The following HPSE2 variants were observed in gnomAD, a reference collection of about 807,000 sequenced individuals.
The protein encoded by HPSE2 is inactive heparanase-2.
In HPSE2, 38 loss-of-function variants were observed where a neutral mutation model predicts 60.5. That is an observed-to-expected ratio of 0.63 (90% CI 0.48 to 0.82). The LOEUF (loss-of-function observed/expected upper bound fraction) is 0.82, where lower values mean the gene tolerates loss of function less well. HPSE2 is among the 40% of genes least tolerant of loss of function. The pLI is 0.00. For missense variants in HPSE2, 713 were observed against 740.4 expected, an observed-to-expected ratio of 0.96 and a Z score of 0.43; for synonymous variants, 295 against 293.2, an observed-to-expected ratio of 1.01 and a Z score of -0.06.
At chr10:98,551,346 G>A (rs1000802871) in intron 9 of HPSE2, among the ~76,000 whole-genome samples, 6 of 152,106 alleles carry the variant, frequency 3.9e-5, no homozygotes, top group African/African-American at 9.7e-5. Flanking sequence ...TATGTGTTTG[G>A]GTTGTTTGTA....
At chr10:98,791,549 A>C (rs1950655272) in intron 3 of HPSE2, among the ~76,000 whole-genome samples, 1 of 152,220 alleles carries the variant, frequency 6.6e-6, no homozygotes, top group Non-Finnish European at 1.5e-5. Flanking sequence ...CCTTATATGT[A>C]AGTTTCAAAT....
chr10:98,905,601 C>T (rs1203612512), intron 3 of HPSE2, among the ~76,000 whole-genome samples: 1 of 152,046 alleles, frequency 6.6e-6, no homozygotes, highest in Non-Finnish European at 1.5e-5. Context: ...TTCAGTGACC[C>T]CTGCTCCCAG....
At chr10:98,623,604 A>G (rs1007501031) in intron 7 of HPSE2, among the ~76,000 whole-genome samples, 2 of 152,184 alleles carry the variant, frequency 1.3e-5, no homozygotes, top group Admixed American at 1.3e-4. Flanking sequence ...TGTACCCTGG[A>G]AATTCTGGGT....
At chr10:99,105,188 T>A (rs1015491295) in intron 3 of HPSE2, among the ~76,000 whole-genome samples, 1 of 152,102 alleles carries the variant, frequency 6.6e-6, no homozygotes, top group African/African-American at 2.4e-5. Flanking sequence ...AACTAAACCC[T>A]ATTTAGATTT....
intron 3 of HPSE2, among the ~76,000 whole-genome samples, chr10:98,840,843 C>G (rs1565202235): frequency 6.6e-6 from 1 of 152,174 alleles, no homozygotes. Flanking sequence ...ATTTAAAGGA[C>G]TGTCACTTTT....
chr10:98,596,564 G>A (rs1322901971), intron 9 of HPSE2, among the ~76,000 whole-genome samples: 1 of 151,574 alleles, frequency 6.6e-6, no homozygotes, highest in Non-Finnish European at 1.5e-5. Flanking sequence ...TGTTTGTCTG[G>A]GAAAGTCTAT....
At chr10:98,741,522 C>T (rs1445748276) in intron 4 of HPSE2, among the ~76,000 whole-genome samples, 1 of 151,714 alleles carries the variant, frequency 6.6e-6, no homozygotes, top group Non-Finnish European at 1.5e-5. Context: ...TATATATTCT[C>T]TTCTCCAACC....
rs35016961 is a variant in HPSE2, at chr10:98,726,630, T to TATAATAATAATA, written c.785-4814_785-4803dup. Among the ~76,000 whole-genome samples, 625 of 143,600 alleles carry TATAATAATAATA rather than the reference T, an allele frequency of 4.4e-3. 5 individuals carry two copies. The highest frequency in any genetic ancestry group is 0.015 in the East Asian group (75 of 4,912). The allele number at this position is 143,600 out of a possible 152,430, so 94.2% of individuals were successfully genotyped here. A position where few individuals can be genotyped will look rare whatever the true frequency, so the allele number is the denominator to read the frequency against. On this transcript the variant is annotated intron_variant, in intron 4 of 11. Coordinates refer to ENST00000370552, the MANE Select transcript of HPSE2 (RefSeq NM_021828.5). The stretch of plus-strand genomic sequence containing the variant: ...TGCACATGTATTCTAAAACTTAAAG[T>TATAATAATAATA]ATAATAATAATAATAATAATAATAA...
At chr10:99,154,617 AG>A (rs1564850687) in intron 2 of HPSE2, among the ~76,000 whole-genome samples, 1 of 151,972 alleles carries the variant, frequency 6.6e-6, no homozygotes, top group East Asian at 1.9e-4. Context: ...AAACATGGAA[AG>A]GAACAACCGG....
rs576758035 is a variant in HPSE2 at position 98,575,983 on chromosome 10, T to C, written c.1320+38921A>G. On this transcript the variant is annotated intron_variant, in intron 9 of 11. Transcript: ENST00000370552. ...TAGTATTTTCATAAGCTGATACTTA[T>C]AATTTAGGTGTTTATTGTCACTATT... Among the ~76,000 whole-genome samples the C allele has an allele frequency of 6.6e-5, 10 of 152,354 alleles. No homozygotes were observed. The South Asian group carries it at 1.0e-3, about 16-fold the overall frequency.
chr10:99,093,409 T>A (rs1421441282), intron 3 of HPSE2, among the ~76,000 whole-genome samples: 1 of 152,196 alleles, frequency 6.6e-6, no homozygotes, highest in African/African-American at 2.4e-5. Flanking sequence ...TCACGTGGTT[T>A]ACGCAGCAAA....
At chr10:99,147,787 T>C (rs1387857405) in intron 2 of HPSE2, among the ~76,000 whole-genome samples, 2 of 152,162 alleles carry the variant, frequency 1.3e-5, no homozygotes, top group Non-Finnish European at 2.9e-5. Flanking sequence ...AAAGCAAAGA[T>C]ACTTATCAAA....
intron 3 of HPSE2, among the ~76,000 whole-genome samples, chr10:98,788,601 C>T (rs988409322): frequency 1.1e-4 from 17 of 152,254 alleles, no homozygotes; most frequent in African/African-American, 3.1e-4. Flanking sequence ...AGCGAGATTC[C>T]GTGGGCGTAG....
intron 10 of HPSE2, among the ~76,000 whole-genome samples, chr10:98,484,152 T>C (rs1941350477): frequency 1.3e-5 from 2 of 152,246 alleles, no homozygotes; most frequent in Admixed American, 1.3e-4. Context: ...TTTTGTAAGC[T>C]GACCATGTCC....
At chr10:98,888,571 T>C (rs1002287963) in intron 3 of HPSE2, among the ~76,000 whole-genome samples, 6 of 152,162 alleles carry the variant, frequency 3.9e-5, no homozygotes, top group African/African-American at 1.4e-4. Context: ...AGTTTTCTCA[T>C]CTGTAAACCT....
At chr10:99,205,318 G>C (rs1848709441) in intron 2 of HPSE2, among the ~76,000 whole-genome samples, 1 of 152,200 alleles carries the variant, frequency 6.6e-6, no homozygotes, top group African/African-American at 2.4e-5. Context: ...GCCAGGTGTA[G>C]TGGCTCACAC....
At chr10:99,271,178 T>C in the HPSE2 span, among the ~76,000 whole-genome samples, 1 of 152,164 alleles carries the variant, frequency 6.6e-6, no homozygotes, top group East Asian at 1.9e-4. Context: ...TCCAAATCAG[T>C]AAACAGGACA....
chr10:98,511,153 TTTTTG>T, intron 9 of HPSE2, among the ~76,000 whole-genome samples: 1 of 151,634 alleles, frequency 6.6e-6, no homozygotes. Context: ...TTGTTTTTGT[TTTTTG>T]TTTTTTTTTT....
chr10:99,300,464 C>T, the HPSE2 span, among the ~76,000 whole-genome samples: 12 of 152,194 alleles, frequency 7.9e-5, no homozygotes, highest in African/African-American at 2.9e-4. Context: ...TACTCTTGTA[C>T]AGTAATGAGA....
Sources: allele counts gnomAD v4.1 joint callset (sites outside exome capture counted in the v4.1 genomes callset), GRCh38; gene constraint gnomAD v4.1.1; transcripts MANE v1.5; gene names NCBI Gene and HGNC (gene_info 2026-07-23, HGNC 2026-07-21).